The following MAPRE2 variants were observed in gnomAD, a reference collection of about 807,000 sequenced individuals.
MAPRE2 encodes microtubule-associated protein RP/EB family member 2.
MAPRE2 carries 13 observed loss-of-function variants against 43.2 expected under a neutral mutation model. The ratio of observed to expected loss-of-function variants is 0.30; its 90% CI spans 0.20 to 0.48. The LOEUF (loss-of-function observed/expected upper bound fraction) is 0.48, where lower values mean the gene tolerates loss of function less well. Ranked by LOEUF, MAPRE2 falls within the 20% of genes least tolerant of loss-of-function variation. The pLI is 0.99. For missense variants in MAPRE2, 161 were observed against 400.2 expected (o/e 0.40, Z 5.10); for synonymous variants, 135 against 148.8 (o/e 0.91, Z 0.68).
At chr18:35,008,658 T>C (rs2097032931) in intron 2 of MAPRE2, among the ~76,000 whole-genome samples, 2 of 152,234 alleles carry the variant, frequency 1.3e-5, no homozygotes, top group African/African-American at 4.8e-5. Flanking sequence ...AAAAATGCTA[T>C]GCTAAATTTT....
chr18:35,064,019 A>AAAAAAAAAAAAAAAAAAAAAC (rs1906701611), intron 1 of MAPRE2, among the ~76,000 whole-genome samples: 1 of 144,286 alleles, frequency 6.9e-6, no homozygotes, highest in Non-Finnish European at 1.5e-5. Flanking sequence ...AAAAAAAAAA[A>AAAAAAAAAAAAAAAAAAAAAC]AAAAAAAAAA....
intron 1 of MAPRE2, among the ~76,000 whole-genome samples, chr18:35,000,174 A>G (rs1020461571): frequency 1.3e-5 from 2 of 152,188 alleles, no homozygotes; most frequent in African/African-American, 4.8e-5. Context: ...GGAGATCCAA[A>G]GACAGCTTAG....
In MAPRE2 at chr18:34,985,276, TA is replaced by T. The variant is rs1253476149; in HGVS notation, c.-70+8199del. On this transcript the variant is annotated intron_variant, in intron 1 of 7. Coordinates refer to the MAPRE2 transcript ENST00000413393. ...ATATAATATAATATATTATATAATA[TA>T]ATATATTATATATTATATTATATAT... is the stretch of plus-strand genomic sequence containing the variant. 3.1e-3 allele frequency among the ~76,000 whole-genome samples: 152 copies of T among 48,908 alleles called. 4 individuals carry two copies. The highest frequency in any genetic ancestry group is 0.013 in the African/African-American group (146 of 11,274). 32.1% of individuals were successfully genotyped at this position (48,908 alleles called of 152,430 possible). A position where few individuals can be genotyped will look rare whatever the true frequency, so the allele number is the denominator to read the frequency against.
chr18:35,126,901 C>T, intron 4 of MAPRE2, 47 bp from the exon 5 acceptor site: 1 of 1,566,908 alleles, frequency 6.4e-7, no homozygotes, highest in Non-Finnish European at 8.7e-7. Context: ...ATCTAAAACA[C>T]ACTTTTAATA....
chr18:35,104,406 C>T (rs1354188837), intron 4 of MAPRE2, among the ~76,000 whole-genome samples: 1 of 151,274 alleles, frequency 6.6e-6, no homozygotes, highest in African/African-American at 2.4e-5. Flanking sequence ...ATAGTAGCTT[C>T]AGGAAATAAG....
chr18:35,117,469 C>T (rs1909467049), intron 4 of MAPRE2, among the ~76,000 whole-genome samples: 2 of 152,242 alleles, frequency 1.3e-5, no homozygotes, highest in Admixed American at 6.5e-5. Context: ...TTAGTACTTA[C>T]GTTCCCCCAA....
chr18:35,077,356 C>T (rs1176343045), intron 2 of MAPRE2, among the ~76,000 whole-genome samples: 1 of 152,084 alleles, frequency 6.6e-6, no homozygotes, highest in Non-Finnish European at 1.5e-5. Flanking sequence ...GAGAAATTCC[C>T]AGATGTCATA....
At chr18:35,115,216 CA>C (rs1909358688) in intron 4 of MAPRE2, among the ~76,000 whole-genome samples, 1 of 152,128 alleles carries the variant, frequency 6.6e-6, no homozygotes, top group South Asian at 2.1e-4. Flanking sequence ...ATCATTGCAG[CA>C]TTCATCTTGA....
chr18:35,133,640 C>G (rs1328922523), intron 6 of MAPRE2, among the ~76,000 whole-genome samples: 1 of 152,230 alleles, frequency 6.6e-6, no homozygotes, highest in East Asian at 1.9e-4. Context: ...AGGATCAAAT[C>G]TTCTTCCCAG....
chr18:35,142,539 C>T lies in MAPRE2; in HGVS notation c.*2170C>T, dbSNP rs2144272902. 6.6e-6 allele frequency: 1 copy of T among 152,520 alleles called. No homozygotes were observed. Among genetic ancestry groups the T allele is most frequent in the East Asian group, 1.9e-4 (1 of 5,184 alleles). 9.4% of individuals were successfully genotyped at this position (152,520 alleles called of 1,614,324 possible). On this transcript the variant is annotated 3_prime_UTR_variant, in exon 7 of 7. Transcript: ENST00000300249. ...GCTCCCCAGCCTTCTCAGTTATAAA[C>T]ATGCTGGCCAGATCTCTTAGCCTGC...
intron 2 of MAPRE2, among the ~76,000 whole-genome samples, chr18:35,089,229 C>T (rs368622898): frequency 1.1e-4 from 17 of 152,070 alleles, no homozygotes; most frequent in African/African-American, 3.9e-4. Context: ...AGGTATAAAT[C>T]GTCATGACCT....
chr18:35,055,554 T>TGTGTGTGTGTGC (rs1243047037), intron 1 of MAPRE2, among the ~76,000 whole-genome samples: 4 of 149,172 alleles, frequency 2.7e-5, no homozygotes, highest in African/African-American at 7.6e-5. Context: ...TGTGTGTGTG[T>TGTGTGTGTGTGC]GTGTGTGTGT....
At chr18:34,990,877 A>T (rs1483467601) in intron 1 of MAPRE2, among the ~76,000 whole-genome samples, 1 of 152,212 alleles carries the variant, frequency 6.6e-6, no homozygotes, top group Non-Finnish European at 1.5e-5. Context: ...CACACAAAAA[A>T]TTAAGCAATA....
intron 2 of MAPRE2, among the ~76,000 whole-genome samples, chr18:35,093,160 C>T (rs1435947056): frequency 3.6e-5 from 5 of 139,434 alleles, no homozygotes; most frequent in South Asian, 2.3e-4. Context: ...TGCAGTGAGC[C>T]GAGATCATGA....
chr18:35,027,543 A>G (rs996081051), intron 2 of MAPRE2, among the ~76,000 whole-genome samples: 1 of 152,134 alleles, frequency 6.6e-6, no homozygotes, highest in Non-Finnish European at 1.5e-5. Flanking sequence ...TCACCTTCCA[A>G]CCATAGCTAC....
chr18:34,999,267 G>GT (rs1391380024), intron 1 of MAPRE2, among the ~76,000 whole-genome samples: 1 of 152,120 alleles, frequency 6.6e-6, no homozygotes, highest in Admixed American at 6.5e-5. Context: ...TGAAAATAAT[G>GT]TAATTATAGA....
chr18:35,027,605 A>G (rs1037050538), intron 2 of MAPRE2, among the ~76,000 whole-genome samples: 2 of 152,186 alleles, frequency 1.3e-5, no homozygotes, highest in Admixed American at 6.5e-5. Context: ...AACCTCCAGA[A>G]TGACAAGAGA....
intron 1 of MAPRE2, among the ~76,000 whole-genome samples, chr18:34,999,548 T>C (rs1295800850): frequency 6.6e-6 from 1 of 152,248 alleles, no homozygotes; most frequent in Non-Finnish European, 1.5e-5. Flanking sequence ...TTAGGTATTT[T>C]CTGGGGATTA....
In MAPRE2 at chr18:35,036,272, C is replaced by T. The variant is rs149457157; in HGVS notation, c.-8+30719C>T. Among the ~76,000 whole-genome samples, 577 of 152,142 alleles carry T rather than the reference C, an allele frequency of 3.8e-3. 3 individuals are homozygous for T. Among genetic ancestry groups the T allele is most frequent in the African/African-American group, 0.013 (536 of 41,518 alleles). On this transcript the variant is annotated intron_variant, in intron 2 of 7. Transcript: ENST00000413393. Reference sequence around the variant, plus strand: ...CCTGAGTTATACCCCATGAATTTTACGACCCCTTGCCTCTGTTTAGTTTAG... The same window carrying T: ...CCTGAGTTATACCCCATGAATTTTATGACCCCTTGCCTCTGTTTAGTTTAG...
Sources: allele counts gnomAD v4.1 joint callset (sites outside exome capture counted in the v4.1 genomes callset), GRCh38; gene constraint gnomAD v4.1.1; transcripts MANE v1.5; gene names NCBI Gene and HGNC (gene_info 2026-07-23, HGNC 2026-07-21).